RIPOR2: variants seen among roughly 807,000 people sequenced by gnomAD.
The protein encoded by RIPOR2 is rho family-interacting cell polarization regulator 2.
Under a neutral mutation model 114.5 loss-of-function variants are expected in RIPOR2, and 39 were observed. The observed-to-expected ratio is 0.34, with a 90% CI of 0.26 to 0.44. The LOEUF (loss-of-function observed/expected upper bound fraction) is 0.44. Ranked by LOEUF, RIPOR2 falls within the 20% of genes least tolerant of loss-of-function variation. The pLI, the probability that RIPOR2 is intolerant of heterozygous loss-of-function variation, is 1.00. For synonymous variants in RIPOR2, 445 were observed against 484.4 expected (o/e 0.92, Z 1.07); for missense variants, 1,007 against 1,255.1 (o/e 0.80, Z 2.99).
intron 21 of RIPOR2, among the ~76,000 whole-genome samples, 185 bp downstream of exon 21, chr6:24,809,532 T>C (rs1433460382): frequency 1.3e-5 from 2 of 152,156 alleles, no homozygotes; most frequent in Non-Finnish European, 2.9e-5. Context: ...AACAAGGAGT[T>C]GGGGTGAGAT....
At chr6:25,008,028 T>G (rs1018627072) in intron 1 of RIPOR2, among the ~76,000 whole-genome samples, 1 of 152,200 alleles carries the variant, frequency 6.6e-6, no homozygotes, top group Non-Finnish European at 1.5e-5. Context: ...TTTTTATTTT[T>G]TAAAAATATT....
In RIPOR2 at chr6:24,809,585, C is replaced by G. The variant is rs937202384; in HGVS notation, c.3043+132G>C. On this transcript the variant is annotated intron_variant, in intron 21 of 21. Transcript: ENST00000643898. ...TCGTACTCTGTGTGTGAGAAGACAG[C>G]CTACAGCGGGGAAACTGCTAAACAG... 2.4e-5 allele frequency: 16 copies of G among 657,124 alleles called. No individual in the cohort carries two copies. The East Asian group carries it at 4.4e-4, about 18-fold the overall frequency. The allele number at this position is 657,124 out of a possible 1,614,324, so 40.7% of individuals were successfully genotyped here. A position where few individuals can be genotyped will look rare whatever the true frequency, so the allele number is the denominator to read the frequency against.
At chr6:24,847,937 C>T in intron 12 of RIPOR2, 88 bp downstream of exon 12, 1 of 1,544,534 alleles carries the variant, frequency 6.5e-7, no homozygotes, top group East Asian at 2.3e-5. Flanking sequence ...TACTAACTCC[C>T]AGCACTGTCT....
intron 1 of RIPOR2, among the ~76,000 whole-genome samples, chr6:24,979,229 A>C (rs1483885342): frequency 1.3e-5 from 2 of 151,710 alleles, no homozygotes; most frequent in African/African-American, 4.8e-5. Flanking sequence ...TTCCTGGGAA[A>C]ACCGAAAACC....
chr6:24,822,411 G>C (rs1292354418), intron 19 of RIPOR2, among the ~76,000 whole-genome samples: 1 of 152,208 alleles, frequency 6.6e-6, no homozygotes, highest in African/African-American at 2.4e-5. Context: ...TAACATGCTA[G>C]GTGATAGGGC....
chr6:25,011,096 GA>G (rs969905746), intron 1 of RIPOR2, among the ~76,000 whole-genome samples: 21 of 152,054 alleles, frequency 1.4e-4, no homozygotes, highest in Admixed American at 1.2e-3. Context: ...CAGAATCTAT[GA>G]AAAAAAATTT....
rs577066301 is a variant in RIPOR2 at position 25,019,707 on chromosome 6, G to A, written c.76+22144C>T. ...GGAGAATCACTTGGACCTGGGAGGC[G>A]GAGGTTGTAGTGAGCCAAGATCGTG... On this transcript the variant is annotated intron_variant, in intron 1 of 13. Coordinates refer to the RIPOR2 transcript ENST00000510784. 8.1e-5 allele frequency among the ~76,000 whole-genome samples: 12 copies of A among 147,964 alleles called. 1 individual carries two copies. Among genetic ancestry groups the A allele is most frequent in the African/African-American group, 1.8e-4 (7 of 39,812 alleles).
At chr6:24,946,510 T>C (rs1166282479) in intron 1 of RIPOR2, among the ~76,000 whole-genome samples, 1 of 151,930 alleles carries the variant, frequency 6.6e-6, no homozygotes, top group East Asian at 1.9e-4. Flanking sequence ...GAGGTGGAGT[T>C]TGCAGTGAGC....
intron 4 of RIPOR2, 71 bp downstream of exon 4, chr6:24,872,810 C>G (rs1163088974): frequency 9.9e-7 from 1 of 1,009,052 alleles, no homozygotes; most frequent in Non-Finnish European, 1.6e-6. Flanking sequence ...CCTCCCCAGC[C>G]CCATCCAGTA....
In RIPOR2 at chr6:24,830,687, AC is replaced by A. The variant is rs757644298; in HGVS notation, c.2345-18del. On this transcript the variant is annotated intron_variant, in intron 16 of 21. Transcript: ENST00000643898. The stretch of plus-strand genomic sequence containing the variant: ...CTGGTATGGCTGGAAAAGAAGAGCA[AC>A]CCCCCATCTCGTAACACATTTTATT... 5 of 1,542,928 alleles carry A rather than the reference AC, an allele frequency of 3.2e-6. No homozygotes were observed. The highest frequency in any genetic ancestry group is 1.2e-5 in the South Asian group (1 of 82,948).
Position 24,959,178 on chromosome 6 carries a change from C to T in RIPOR2, c.76+82673G>A, listed in dbSNP as rs115969883. On this transcript the variant is annotated intron_variant, in intron 1 of 13. Transcript: ENST00000510784. Reference sequence around the variant, plus strand: ...CTCTGTGTCTTCTTAGGGGCCCACCCTATTCCTGTATAATTTCATTTTAAC... The same window carrying T: ...CTCTGTGTCTTCTTAGGGGCCCACCTTATTCCTGTATAATTTCATTTTAAC... 5.3e-3 allele frequency among the ~76,000 whole-genome samples: 811 copies of T among 152,202 alleles called. 10 individuals are homozygous for T. Among genetic ancestry groups the T allele is most frequent in the African/African-American group, 0.019 (781 of 41,514 alleles).
chr6:25,006,478 C>T (rs765026495), intron 1 of RIPOR2, among the ~76,000 whole-genome samples: 2 of 152,220 alleles, frequency 1.3e-5, no homozygotes, highest in African/African-American at 2.4e-5. Context: ...TTTCAAATCT[C>T]TCTTGCCACC....
At chr6:24,968,413 G>A (rs2114233982) in intron 1 of RIPOR2, among the ~76,000 whole-genome samples, 1 of 152,236 alleles carries the variant, frequency 6.6e-6, no homozygotes, top group Middle Eastern at 3.4e-3. Context: ...GTCACTCCCT[G>A]CTGAGTGGAC....
chr6:24,925,795 T>C (rs762742418), intron 1 of RIPOR2, among the ~76,000 whole-genome samples: 5 of 152,244 alleles, frequency 3.3e-5, no homozygotes, highest in African/African-American at 4.8e-5. Context: ...TGCCCTCTCA[T>C]AACTTTTATG....
chr6:24,947,262 C>T (rs925934252), intron 1 of RIPOR2, among the ~76,000 whole-genome samples: 10 of 152,204 alleles, frequency 6.6e-5, no homozygotes, highest in East Asian at 5.8e-4. Context: ...CTCAACTCTC[C>T]GTCTCGGGTT....
At chr6:24,881,137 GGGAGGCTGAGGCA>G (rs1766315179) in intron 1 of RIPOR2, among the ~76,000 whole-genome samples, 1 of 152,048 alleles carries the variant, frequency 6.6e-6, no homozygotes, top group African/African-American at 2.4e-5. Context: ...CCAGCTACTC[GGGAGGCTGAGGCA>G]GGAGCATTGC....
intron 1 of RIPOR2, among the ~76,000 whole-genome samples, chr6:24,984,640 A>AG (rs1774455223): frequency 6.7e-6 from 1 of 150,026 alleles, no homozygotes; most frequent in South Asian, 2.1e-4. Flanking sequence ...ACATAGTGAG[A>AG]CCCCGTCTCT....
chr6:24,896,776 G>A (rs1001610585), intron 1 of RIPOR2, among the ~76,000 whole-genome samples: 1 of 152,086 alleles, frequency 6.6e-6, no homozygotes, highest in Non-Finnish European at 1.5e-5. Flanking sequence ...GGTGGCACGT[G>A]CCTGTAATCC....
intron 20 of RIPOR2, among the ~76,000 whole-genome samples, chr6:24,810,897 T>A (rs1490475510): frequency 6.6e-6 from 1 of 152,138 alleles, no homozygotes; most frequent in Non-Finnish European, 1.5e-5. Context: ...TTCTGTCTCC[T>A]GGGTTCAAGC....
Sources: allele counts gnomAD v4.1 joint callset (sites outside exome capture counted in the v4.1 genomes callset), GRCh38; gene constraint gnomAD v4.1.1; transcripts MANE v1.5; gene names NCBI Gene and HGNC (gene_info 2026-07-23, HGNC 2026-07-21).